Variants in PAK1IP1 observed in about 807,000 individuals in gnomAD.
PAK1IP1 encodes the protein PAK1 interacting protein 1, also known as p21-activated protein kinase-interacting protein 1.
PAK1IP1 carries 24 observed loss-of-function variants against 42.0 expected under a neutral mutation model. The observed-to-expected ratio is 0.57, with a 90% CI of 0.41 to 0.80. The LOEUF (loss-of-function observed/expected upper bound fraction) is 0.80, where lower values mean the gene tolerates loss of function less well. PAK1IP1 is among the 30% of genes least tolerant of loss of function. The pLI, the probability that PAK1IP1 is intolerant of heterozygous loss-of-function variation, is 0.00. For missense variants in PAK1IP1, 411 were observed against 467.9 expected (o/e 0.88, Z 1.12); for synonymous variants, 154 against 156.7 (o/e 0.98, Z 0.13).
At chr6:10,693,884 A>G (rs1405173704), upstream of PAK1IP1, among the ~76,000 whole-genome samples, 1 of 152,128 alleles carries the variant, frequency 6.6e-6, no homozygotes, top group Non-Finnish European at 1.5e-5. Flanking sequence ...GGGCGTCGCC[A>G]TGCTGGGCTA....
In PAK1IP1 at chr6:10,704,415, A is replaced by T; in HGVS notation, c.497-92A>T. On this transcript the variant is annotated intron_variant, in intron 5 of 9. Coordinates refer to ENST00000379568, the MANE Select transcript of PAK1IP1 (RefSeq NM_017906.3). ...ATGAAATAGGATAATGAATTTGAAA[A>T]TGCACAGTATAAATATTTGCTATTT... The T allele has an allele frequency of 4.3e-6, 3 of 705,212 alleles. No individual in the cohort carries two copies. The East Asian group carries it at 8.3e-5, about 20-fold the overall frequency. The allele number at this position is 705,212 out of a possible 1,614,324, so 43.7% of individuals were successfully genotyped here.
At chr6:10,696,292 C>CAA (rs1298197803) in intron 1 of PAK1IP1, among the ~76,000 whole-genome samples, 1 of 152,196 alleles carries the variant, frequency 6.6e-6, no homozygotes, top group Non-Finnish European at 1.5e-5. Context: ...AGCAGACCCG[C>CAA]AAAAATGCTT....
chr6:10,692,205 A>C (rs1769378049), upstream of PAK1IP1, among the ~76,000 whole-genome samples: 1 of 152,180 alleles, frequency 6.6e-6, no homozygotes, highest in Non-Finnish European at 1.5e-5. Flanking sequence ...CATTAAAATA[A>C]ACAGATATGT....
At chr6:10,690,893 A>G (rs760649222), upstream of PAK1IP1, among the ~76,000 whole-genome samples, 4 of 152,210 alleles carry the variant, frequency 2.6e-5, no homozygotes, top group Non-Finnish European at 5.9e-5. Flanking sequence ...CTCAGTTCCA[A>G]TCCAGTTAAA....
intron 1 of PAK1IP1, among the ~76,000 whole-genome samples, chr6:10,696,708 C>T (rs1432819522): frequency 7.9e-5 from 12 of 152,120 alleles, no homozygotes; most frequent in Non-Finnish European, 4.4e-5. Context: ...TTTGGGAGGG[C>T]GAGGCAGGTG....
Position 10,709,130 on chromosome 6 carries a change from G to A in PAK1IP1, c.964+54G>A, listed in dbSNP as rs1770301950. ...TGAATAATCTATTATCTCTTAAATT[G>A]TAGAAGTGGAGGAGATCCAGATAAT... On this transcript the variant is annotated intron_variant, in intron 9 of 9. Transcript: ENST00000379568. 6 of 1,551,526 alleles carry A rather than the reference G, an allele frequency of 3.9e-6. No individual in the cohort carries two copies. The South Asian group carries it at 4.6e-5, about 12-fold the overall frequency.
At chr6:10,696,857 T>C (rs1230343137) in intron 1 of PAK1IP1, among the ~76,000 whole-genome samples, 1 of 152,252 alleles carries the variant, frequency 6.6e-6, no homozygotes, top group African/African-American at 2.4e-5. Context: ...TCGCAGTTCA[T>C]TGCTGTGTAT....
At chr6:10,696,011 G>A (rs1178347718) in intron 1 of PAK1IP1, among the ~76,000 whole-genome samples, 1 of 151,712 alleles carries the variant, frequency 6.6e-6, no homozygotes, top group Non-Finnish European at 1.5e-5. Context: ...CAGACACACA[G>A]TAGTCCTCAC....
In PAK1IP1 at chr6:10,701,236, C is replaced by A. The variant is rs571393068; in HGVS notation, c.248-1133C>A. On this transcript the variant is annotated intron_variant, in intron 2 of 9. Transcript: ENST00000379568. Reference sequence around the variant, plus strand: ...GGACTACAGGCACACACCACCACATCCAGCTAATTTTTGTATTTTCAGTAG... The same window carrying A: ...GGACTACAGGCACACACCACCACATACAGCTAATTTTTGTATTTTCAGTAG... Among the ~76,000 whole-genome samples the A allele has an allele frequency of 5.3e-5, 8 of 152,276 alleles. No individual in the cohort carries two copies. The East Asian group carries it at 1.5e-3, about 29-fold the overall frequency.
At chr6:10,708,599 A>G (rs1178747478) in intron 8 of PAK1IP1, among the ~76,000 whole-genome samples, 1 of 150,740 alleles carries the variant, frequency 6.6e-6, no homozygotes, top group African/African-American at 2.5e-5. Context: ...TTATATATGT[A>G]TACATGTGCT....
chr6:10,692,540 A>C (rs942054764), upstream of PAK1IP1, among the ~76,000 whole-genome samples: 3 of 152,104 alleles, frequency 2.0e-5, no homozygotes, highest in East Asian at 3.9e-4. Context: ...TCCCTAATTC[A>C]AGCGATTCTC....
rs145686089 is a variant in PAK1IP1, at chr6:10,702,213, C to G, written c.248-156C>G. Among the ~76,000 whole-genome samples the G allele has an allele frequency of 5.2e-3, 774 of 149,686 alleles. 2 individuals carry two copies. The highest frequency in any genetic ancestry group is 0.018 in the African/African-American group (722 of 40,536). On this transcript the variant is annotated intron_variant, in intron 2 of 9. Coordinates refer to ENST00000379568, the MANE Select transcript of PAK1IP1 (RefSeq NM_017906.3). ...TAAGATCATGCCATAGCACTTCAGC[C>G]TGGGTAACAAGAGTGAAACCCTGCC...
Position 10,697,381 on chromosome 6 carries a change from G to A in PAK1IP1, c.142G>A (p.Val48Ile), listed in dbSNP as rs370701797. The A allele has an allele frequency of 1.9e-6, 3 of 1,613,844 alleles. No individual in the cohort carries two copies. Among genetic ancestry groups the A allele is most frequent in the Non-Finnish European group, 8.5e-7 (1 of 1,179,746 alleles). The part of the protein sequence containing the change: ...HHAHTASLSA[V>I]AVNSRFVVTG... ...TGCTCACACTGCCTCCTTGTCAGCA[G>A]TAGCTGTAAATAGTCGTTTTGTGGT... Residue 48 changes from valine (V) to isoleucine (I), a missense_variant, in exon 2 of 10, where the codon GTA (valine) becomes ATA (isoleucine). By Grantham distance (29) the Val-to-Ile change is conservative (BLOSUM62 3). Coordinates refer to ENST00000379568, the MANE Select transcript of PAK1IP1 (RefSeq NM_017906.3).
intron 7 of PAK1IP1, 128 bp downstream of exon 7, chr6:10,704,972 G>C: frequency 1.5e-6 from 1 of 670,642 alleles, no homozygotes; most frequent in Non-Finnish European, 2.7e-6. Flanking sequence ...TACATGTACA[G>C]TATATGGTAT....
Position 10,695,089 on chromosome 6 carries a change from G to C in PAK1IP1, c.84+20G>C. On this transcript the variant is annotated intron_variant, in intron 1 of 9. Coordinates refer to ENST00000379568, the MANE Select transcript of PAK1IP1 (RefSeq NM_017906.3). ...CACGAGGTGAGATACCGCGTAGTTA[G>C]AGACAGTCGGAGGCGGGGCCGGGAA... The C allele has an allele frequency of 1.3e-6, 2 of 1,523,782 alleles. No homozygotes were observed. Among genetic ancestry groups the C allele is most frequent in the Non-Finnish European group, 1.8e-6 (2 of 1,109,490 alleles). 94.4% of individuals were successfully genotyped at this position (1,523,782 alleles called of 1,614,324 possible). A position where few individuals can be genotyped will look rare whatever the true frequency, so the allele number is the denominator to read the frequency against.
chr6:10,692,735 T>C (rs150812800), upstream of PAK1IP1, among the ~76,000 whole-genome samples: 85 of 152,168 alleles, frequency 5.6e-4, 1 homozygote, highest in African/African-American at 1.9e-3. Flanking sequence ...TTATTTTATT[T>C]TTTGAGACAG....
intron 2 of PAK1IP1, among the ~76,000 whole-genome samples, chr6:10,698,047 G>A (rs1465216239): frequency 6.6e-6 from 1 of 152,192 alleles, no homozygotes; most frequent in Non-Finnish European, 1.5e-5. Flanking sequence ...CAGTTATTGG[G>A]CAGGTAAAGT....
At chr6:10,697,188 GT>G in intron 1 of PAK1IP1, 135 bp from the exon 2 acceptor site, 1 of 742,188 alleles carries the variant, frequency 1.3e-6, no homozygotes, top group Non-Finnish European at 2.2e-6. Flanking sequence ...TCCATTGATA[GT>G]TTTCATGAAT....
chr6:10,696,471 A>AGT (rs369059535), intron 1 of PAK1IP1, among the ~76,000 whole-genome samples: 1 of 151,584 alleles, frequency 6.6e-6, no homozygotes, highest in African/African-American at 2.4e-5. Flanking sequence ...GGAGTGAGTG[A>AGT]GTGTGTGTGT....
Sources: gnomAD v4.1 joint callset for allele counts (sites outside exome capture counted in the v4.1 genomes callset) on GRCh38, gnomAD v4.1.1 for gene constraint, MANE v1.5 for transcripts, NCBI Gene and HGNC (gene_info 2026-07-23, HGNC 2026-07-21) for gene names.